Variants in LINGO2 observed in about 807,000 individuals in gnomAD.
LINGO2 encodes the protein leucine rich repeat and Ig domain containing 2.
LINGO2 carries 14 observed loss-of-function variants against 30.6 expected under a neutral mutation model. The ratio of observed to expected loss-of-function variants is 0.46; its 90% CI spans 0.30 to 0.72. The LOEUF is 0.72. Ranked by LOEUF, LINGO2 falls within the 30% of genes least tolerant of loss-of-function variation. The probability of loss-of-function intolerance (pLI) is 0.07; values close to 1 mark genes in which losing one functional copy is unlikely to be tolerated. For missense variants in LINGO2, 729 were observed against 751.7 expected (o/e 0.97, Z 0.35); for synonymous variants, 317 against 288.5 (o/e 1.10, Z -1.00).
chr9:28,159,332 T>A (rs1050816288), intron 4 of LINGO2, among the ~76,000 whole-genome samples: 1 of 152,170 alleles, frequency 6.6e-6, no homozygotes, highest in Non-Finnish European at 1.5e-5. Flanking sequence ...AAAATCTCCT[T>A]AGCTAAAAAA....
the LINGO2 span, among the ~76,000 whole-genome samples, chr9:29,151,796 G>C: frequency 2.0e-5 from 3 of 152,242 alleles, no homozygotes; most frequent in African/African-American, 7.2e-5. Context: ...TACAGTAATA[G>C]TGGGAAACTT....
At chr9:28,293,788 C>G (rs1227902203) in intron 4 of LINGO2, among the ~76,000 whole-genome samples, 1 of 152,128 alleles carries the variant, frequency 6.6e-6, no homozygotes, top group Admixed American at 6.5e-5. Flanking sequence ...AGGATTAACT[C>G]TAAGACTTAA....
chr9:29,007,911 G>A, the LINGO2 span, among the ~76,000 whole-genome samples: 26 of 151,994 alleles, frequency 1.7e-4, no homozygotes, highest in Middle Eastern at 3.4e-3. Flanking sequence ...CTTGAAAGCC[G>A]TAATATTTGT....
At chr9:28,993,732 A>C in the LINGO2 span, among the ~76,000 whole-genome samples, 4 of 148,008 alleles carry the variant, frequency 2.7e-5, 1 homozygote, top group Non-Finnish European at 6.0e-5. Flanking sequence ...CAATAAATGT[A>C]ATCGAGCATA....
Position 28,164,549 on chromosome 9 carries a change from T to C in LINGO2, c.-87+130659A>G, listed in dbSNP as rs1266169538. On this transcript the variant is annotated intron_variant, in intron 4 of 5. Transcript: ENST00000379992. ...CCAGGTTATCTGTCACCAGAGCCCA[T>C]CTATGGTCAAAGATGAAAAATAATG... Among the ~76,000 whole-genome samples the C allele has an allele frequency of 2.6e-5, 4 of 152,088 alleles. No homozygotes were observed. The East Asian group carries it at 5.8e-4, about 22-fold the overall frequency.
chr9:28,311,243 T>A (rs573041879), intron 3 of LINGO2, among the ~76,000 whole-genome samples: 1 of 151,912 alleles, frequency 6.6e-6, no homozygotes, highest in East Asian at 1.9e-4. Context: ...GGTAATAGAA[T>A]ATCACAAGGC....
At chr9:28,182,144 C>T (rs943604245) in intron 4 of LINGO2, among the ~76,000 whole-genome samples, 1 of 152,070 alleles carries the variant, frequency 6.6e-6, no homozygotes, top group African/African-American at 2.4e-5. Context: ...GAATAGAGAC[C>T]TCAGAAACAA....
the LINGO2 span, among the ~76,000 whole-genome samples, chr9:28,792,481 G>T: frequency 6.6e-6 from 1 of 152,092 alleles, no homozygotes; most frequent in South Asian, 2.1e-4. Flanking sequence ...GCTACAAAAT[G>T]CTACAGTCTG....
At position 28,148,836 on chromosome 9, in the gene LINGO2, A is replaced by G. The variant is rs992681366; in HGVS notation, c.-86-136431T>C. ...GCGGCCTTGAAGGTGCTGGGTAAAGACCACCTGCCCAGCTCTCCAGGCTTG... is the reference window on the plus strand; with the variant it reads ...GCGGCCTTGAAGGTGCTGGGTAAAGGCCACCTGCCCAGCTCTCCAGGCTTG... On this transcript the variant is annotated intron_variant, in intron 4 of 5. Coordinates refer to ENST00000379992, the Ensembl canonical transcript of LINGO2. This position sits in a 1 kb window ranked among gnomAD's most constrained non-coding sequence, Gnocchi z 5.1. 1.0e-5 allele frequency: 16 copies of G among 1,533,448 alleles called. No individual in the cohort carries two copies. The Admixed American group carries it at 1.2e-4, about 11-fold the overall frequency. The allele number at this position is 1,533,448 out of a possible 1,614,324, so 95.0% of individuals were successfully genotyped here. A position where few individuals can be genotyped will look rare whatever the true frequency, so the allele number is the denominator to read the frequency against.
intron 4 of LINGO2, among the ~76,000 whole-genome samples, chr9:28,024,627 C>T (rs1302589183): frequency 6.6e-6 from 1 of 152,120 alleles, no homozygotes; most frequent in Non-Finnish European, 1.5e-5. Flanking sequence ...ATCATGCCTC[C>T]AACTGCCTTA....
At chr9:28,517,058 C>T (rs1023915258) in intron 1 of LINGO2, among the ~76,000 whole-genome samples, 11 of 152,200 alleles carry the variant, frequency 7.2e-5, no homozygotes, top group South Asian at 2.1e-4. Context: ...TTAGGCCCTT[C>T]GTGCCTGGTA....
intron 4 of LINGO2, among the ~76,000 whole-genome samples, chr9:28,272,473 A>G (rs975235523): frequency 4.6e-5 from 7 of 151,884 alleles, no homozygotes; most frequent in African/African-American, 1.7e-4. Context: ...CTCAACAGTC[A>G]GGTTTCAACT....
chr9:28,934,756 G>A, the LINGO2 span, among the ~76,000 whole-genome samples: 10 of 152,110 alleles, frequency 6.6e-5, no homozygotes, highest in African/African-American at 2.4e-4. Context: ...TCAATTTTAA[G>A]TTTATAGCAT....
chr9:28,401,549 G>T lies in LINGO2; in HGVS notation c.-278-28681C>A, dbSNP rs144361897. Among the ~76,000 whole-genome samples, 858 of 152,168 alleles carry T rather than the reference G, an allele frequency of 5.6e-3. 27 individuals are homozygous for T. In the East Asian group the frequency reaches 0.092, roughly 16 times the overall value. ...CCAATCTGTTACTGATGGGCATTTG[G>T]GTTGGTTCCATGTCTTTGCTATTGT... On this transcript the variant is annotated intron_variant, in intron 2 of 5. Transcript: ENST00000379992.
chr9:28,087,659 A>C (rs12347548), intron 4 of LINGO2, among the ~76,000 whole-genome samples: 13,229 of 152,016 alleles, frequency 0.087, 730 homozygotes, highest in East Asian at 0.2. Context: ...CCACATACTC[A>C]ACATGCATTT....
the LINGO2 span, among the ~76,000 whole-genome samples, chr9:28,683,783 T>C: frequency 6.6e-6 from 1 of 152,206 alleles, no homozygotes; most frequent in East Asian, 1.9e-4. Flanking sequence ...GTGGCAAGCA[T>C]GTCTAGCTCT....
At chr9:28,311,008 C>G (rs1441191955) in intron 3 of LINGO2, among the ~76,000 whole-genome samples, 1 of 151,994 alleles carries the variant, frequency 6.6e-6, no homozygotes, top group East Asian at 1.9e-4. Flanking sequence ...AAATTCACCC[C>G]CGATATTTCA....
chr9:28,806,452 C>T, the LINGO2 span, among the ~76,000 whole-genome samples: 1 of 152,224 alleles, frequency 6.6e-6, no homozygotes, highest in African/African-American at 2.4e-5. Context: ...GTTCTCATAT[C>T]ATCCCCAGCC....
At chr9:28,159,386 G>C (rs1212703023) in intron 4 of LINGO2, among the ~76,000 whole-genome samples, 1 of 152,046 alleles carries the variant, frequency 6.6e-6, no homozygotes, top group African/African-American at 2.4e-5. Flanking sequence ...CACATGTGCA[G>C]CTTTTATTTT....
Sources: allele counts gnomAD v4.1 joint callset (sites outside exome capture counted in the v4.1 genomes callset), GRCh38; gene constraint gnomAD v4.1.1; non-coding constraint Gnocchi (gnomAD v3.1); transcripts MANE v1.5; gene names NCBI Gene and HGNC (gene_info 2026-07-23, HGNC 2026-07-21).